The following SPRY3 variants were observed in gnomAD, a reference collection of about 807,000 sequenced individuals.
SPRY3 encodes sprouty RTK signaling antagonist 3.
A neutral mutation model predicts 20.2 loss-of-function variants in SPRY3; 15 were observed. The ratio of observed to expected loss-of-function variants is 0.74; its 90% confidence interval spans 0.50 to 1.14. The LOEUF (loss-of-function observed/expected upper bound fraction) is 1.14. SPRY3 is among the 50% of genes most tolerant of loss of function. The pLI is 0.00. For missense variants in SPRY3, 364 were observed against 363.9 expected (o/e 1.00, Z 0.00); for synonymous variants, 143 against 136.5 (o/e 1.05, Z -0.33).
chrX:155,619,018 T>C (rs2067862750), intron 1 of SPRY3, among the ~76,000 whole-genome samples: 1 of 111,521 alleles, frequency 9.0e-6, no homozygotes, highest in Admixed American at 9.6e-5. Flanking sequence ...CTTAAGACAA[T>C]ATTCTGCAGA....
chrX:155,691,755 C>T lies in SPRY3; in HGVS notation c.-282+34730C>T, dbSNP rs966174703. ...AAATCACAGTAACTGGGATATCCATCGCCTCAACCATTTATTATTTCTTCA... is the reference window on the plus strand; with the variant it reads ...AAATCACAGTAACTGGGATATCCATTGCCTCAACCATTTATTATTTCTTCA... On this transcript the variant is annotated intron_variant, in intron 2 of 3. Coordinates refer to ENST00000675360, the Ensembl canonical transcript of SPRY3. Among the ~76,000 whole-genome samples, 6 of 87,654 alleles carry T rather than the reference C, an allele frequency of 6.8e-5. 2 individuals are homozygous for T. The highest frequency in any genetic ancestry group is 6.4e-5 in the Non-Finnish European group (3 of 46,826). The allele number at this position is 87,654 out of a possible 115,157, so 76.1% of individuals were successfully genotyped here.
intron 1 of SPRY3, among the ~76,000 whole-genome samples, chrX:155,651,078 CTT>C (rs374328833): frequency 3.0e-5 from 3 of 100,724 alleles, no homozygotes; most frequent in African/African-American, 3.6e-5. Flanking sequence ...GATGTTATCA[CTT>C]TTTTTTTTTT....
intron 1 of SPRY3, among the ~76,000 whole-genome samples, chrX:155,623,653 T>G (rs1385136952): frequency 1.8e-5 from 2 of 112,089 alleles, no homozygotes; most frequent in Non-Finnish European, 1.9e-5. Flanking sequence ...CCCTGAATTT[T>G]TCATGTTTTA....
intron 2 of SPRY3, among the ~76,000 whole-genome samples, chrX:155,745,535 A>G (rs1231082560): frequency 6.6e-6 from 1 of 152,042 alleles, no homozygotes; most frequent in African/African-American, 2.4e-5. Context: ...TTATTGTTCT[A>G]AGATACCTGG....
intron 1 of SPRY3, among the ~76,000 whole-genome samples, chrX:155,649,279 A>C (rs782787405): frequency 8.9e-6 from 1 of 111,954 alleles, no homozygotes; most frequent in East Asian, 2.8e-4. Context: ...TGATGCCAGC[A>C]TCATCCTGAT....
intron 2 of SPRY3, among the ~76,000 whole-genome samples, chrX:155,766,691 A>G (rs1237524477): frequency 1.3e-5 from 2 of 152,144 alleles, no homozygotes; most frequent in Non-Finnish European, 2.9e-5. Flanking sequence ...ACTGAGGGTA[A>G]TTTACAGAAA....
At chrX:155,724,911 A>G (rs938902723) in intron 2 of SPRY3, among the ~76,000 whole-genome samples, 1 of 152,134 alleles carries the variant, frequency 6.6e-6, no homozygotes, top group Non-Finnish European at 1.5e-5. Context: ...TTCAAAGGCA[A>G]TGCTTCCAGT....
In SPRY3 at chrX:155,674,191, C is replaced by T. The variant is rs189217728; in HGVS notation, c.-282+17166C>T. The stretch of plus-strand genomic sequence containing the variant: ...ATAGCTAAGACTGCTTGCAGCCAAA[C>T]GCAACTAGCCTGGAGGTTCCAGCTA... On this transcript the variant is annotated intron_variant, in intron 2 of 3. Transcript: ENST00000675360. 7.2e-5 allele frequency among the ~76,000 whole-genome samples: 8 copies of T among 110,952 alleles called. No individual in the cohort carries two copies. In the South Asian group the frequency reaches 2.6e-3, roughly 37 times the overall value.
intron 2 of SPRY3, among the ~76,000 whole-genome samples, chrX:155,723,965 G>C (rs2091080403): frequency 6.6e-6 from 1 of 152,140 alleles, no homozygotes; most frequent in African/African-American, 2.4e-5. Flanking sequence ...TTTTGTGTAA[G>C]GTGTAAGGAA....
intron 2 of SPRY3, among the ~76,000 whole-genome samples, chrX:155,707,853 T>C (rs1051943956): frequency 5.3e-5 from 8 of 151,240 alleles, no homozygotes; most frequent in Admixed American, 1.3e-4. Flanking sequence ...TGGATTTTGC[T>C]TTTTCACCTA....
chrX:155,700,815 A>G (rs1328574351), intron 2 of SPRY3, among the ~76,000 whole-genome samples: 1 of 50,391 alleles, frequency 2.0e-5, no homozygotes, highest in African/African-American at 1.2e-4. Context: ...TCCTGTGTCC[A>G]TGTGATCTCA....
At chrX:155,620,712 C>T (rs1225989971) in intron 1 of SPRY3, among the ~76,000 whole-genome samples, 2 of 111,248 alleles carry the variant, frequency 1.8e-5, no homozygotes, top group Non-Finnish European at 3.8e-5. Context: ...ATGACAAAAC[C>T]CTTCGGAGTG....
intron 2 of SPRY3, among the ~76,000 whole-genome samples, chrX:155,667,346 C>T (rs1390491164): frequency 1.8e-5 from 2 of 110,763 alleles, no homozygotes; most frequent in African/African-American, 6.6e-5. Context: ...AGGGAACAGT[C>T]TGAAGATACA....
chrX:155,772,476 C>T (rs1426250684), intron 3 of SPRY3, among the ~76,000 whole-genome samples: 1 of 152,138 alleles, frequency 6.6e-6, no homozygotes, highest in Non-Finnish European at 1.5e-5. Flanking sequence ...AGTAATTGAT[C>T]TATTTTGAGA....
At chrX:155,643,530 T>C (rs1557351583) in intron 1 of SPRY3, among the ~76,000 whole-genome samples, 1 of 111,755 alleles carries the variant, frequency 8.9e-6, no homozygotes. Flanking sequence ...TTTGTAGTCT[T>C]TTCTCTCGTC....
At chrX:155,630,868 G>A (rs2067903952) in intron 1 of SPRY3, among the ~76,000 whole-genome samples, 1 of 110,722 alleles carries the variant, frequency 9.0e-6, no homozygotes, top group African/African-American at 3.3e-5. Context: ...TTGCTCTTTT[G>A]ATGCTATCCC....
chrX:155,706,760 G>C (rs1231848904), intron 2 of SPRY3, among the ~76,000 whole-genome samples: 1 of 150,852 alleles, frequency 6.6e-6, no homozygotes, highest in Admixed American at 6.6e-5. Context: ...CTAAATCCCT[G>C]GGAGGCGCGA....
chrX:155,616,109 T>C (rs500911), intron 1 of SPRY3, among the ~76,000 whole-genome samples: 2,181 of 25,236 alleles, frequency 0.086, 66 homozygotes, highest in Non-Finnish European at 0.15. Flanking sequence ...GGTCTCTCTC[T>C]CTCTCTCTCT....
intron 2 of SPRY3, among the ~76,000 whole-genome samples, chrX:155,695,068 G>C (rs1047618880): frequency 1.8e-5 from 2 of 111,422 alleles, no homozygotes; most frequent in Non-Finnish European, 3.8e-5. Flanking sequence ...TGCTTTAAAA[G>C]GGCATATGCA....
Sources: allele counts gnomAD v4.1 joint callset (sites outside exome capture counted in the v4.1 genomes callset), GRCh38; gene constraint gnomAD v4.1.1; transcripts MANE v1.5; gene names NCBI Gene and HGNC (gene_info 2026-07-23, HGNC 2026-07-21).